Variants in ZNF891 observed in about 807,000 individuals in gnomAD.
The protein encoded by ZNF891 is zinc finger protein 891.
For synonymous variants in ZNF891, 199 were observed against 209.0 expected (o/e 0.95, Z 0.41); for missense variants, 589 against 632.7 (o/e 0.93, Z 0.74).
Position 133,106,263 on chromosome 12 carries a change from A to G in ZNF891, c.*14021T>C, listed in dbSNP as rs1330364627. 1 of 1,614,226 alleles carries G rather than the reference A, an allele frequency of 6.2e-7. No homozygotes were observed. On this transcript the variant is annotated 3_prime_UTR_variant, in exon 2 of 2. Coordinates refer to ENST00000537226, the MANE Select transcript of ZNF891 (RefSeq NM_001277291.2). The stretch of plus-strand genomic sequence containing the variant: ...AGCATCCATACAACCAAAACCCCGT[A>G]TGAATGTAATGAATGTAGGAAAGCT...
rs905049560 is a variant in ZNF891 at position 133,111,644 on chromosome 12, T to A, written c.*8640A>T. On this transcript the variant is annotated 3_prime_UTR_variant, in exon 2 of 2. Coordinates refer to ENST00000537226, the MANE Select transcript of ZNF891 (RefSeq NM_001277291.2). ...TATTTTAGAAAAATCAAAACTCCCA[T>A]GAAACTGTGCTCATAGGTAGAAAAT... 6.6e-6 allele frequency: 1 copy of A among 152,172 alleles called. No homozygotes were observed. Among genetic ancestry groups the A allele is most frequent in the Non-Finnish European group, 1.5e-5 (1 of 68,014 alleles). 9.4% of individuals were successfully genotyped at this position (152,172 alleles called of 1,614,324 possible).
Position 133,106,606 on chromosome 12 carries a change from T to C in ZNF891, c.*13678A>G, listed in dbSNP as rs1350040588. The C allele has an allele frequency of 3.7e-6, 6 of 1,606,076 alleles. No homozygotes were observed. The highest frequency in any genetic ancestry group is 1.1e-5 in the South Asian group (1 of 89,580). On this transcript the variant is annotated 3_prime_UTR_variant, in exon 2 of 2. Transcript: ENST00000537226. ...ACACTCTTGACAACCCCTATGAATA[T>C]GAAAATTCATTTAATTACCACTCAT...
At chr12:133,126,947 GAAAC>G (rs1473828913) in intron 1 of ZNF891, among the ~76,000 whole-genome samples, 3 of 142,396 alleles carry the variant, frequency 2.1e-5, no homozygotes, top group Admixed American at 7.1e-5. Flanking sequence ...ACAAGAGGAA[GAAAC>G]AAACAAGTAC....
Position 133,120,490 on chromosome 12 carries a change from TTC to T in ZNF891, c.1427_1428del (p.Arg476AsnfsTer13), listed in dbSNP as rs1213417072. ...GKVFSGVSSL[R>X]MHIRTHTGEK... ...TCTCCAGTGTGAGTTCTTATATGCA[TTC>T]TAAGGGATGAGACCCCACTGAAAAC... On this transcript the variant is annotated frameshift_variant, in exon 2 of 2. Coordinates refer to ENST00000537226, the MANE Select transcript of ZNF891 (RefSeq NM_001277291.2). LOFTEE classifies it low-confidence loss of function (END_TRUNC). 1 of 1,596,106 alleles carries T rather than the reference TTC, an allele frequency of 6.3e-7. No individual in the cohort carries two copies. The highest frequency in any genetic ancestry group is 1.7e-5 in the Admixed American group (1 of 57,302).
chr12:133,121,943 G>A lies in ZNF891; in HGVS notation c.-25C>T. On this transcript the variant is annotated 5_prime_UTR_variant, in exon 2 of 2. Coordinates refer to ENST00000537226, the MANE Select transcript of ZNF891 (RefSeq NM_001277291.2). The stretch of plus-strand genomic sequence containing the variant: ...TTTTATGAGTACATAAGCCTGCACA[G>A]TAGAGTAGAGAGATCAGGATGTTTC... 6.7e-7 allele frequency: 1 copy of A among 1,500,658 alleles called. No homozygotes were observed. Among genetic ancestry groups the A allele is most frequent in the East Asian group, 2.5e-5 (1 of 40,626 alleles). 93.0% of individuals were successfully genotyped at this position (1,500,658 alleles called of 1,614,324 possible).
Position 133,117,028 on chromosome 12 carries a change from A to G in ZNF891, c.*3256T>C, listed in dbSNP as rs928147437. On this transcript the variant is annotated 3_prime_UTR_variant, in exon 2 of 2. Coordinates refer to ENST00000537226, the MANE Select transcript of ZNF891 (RefSeq NM_001277291.2). ...CTCCCTCTCTTCCTTGCTATCTTTT[A>G]TTTAAATGACCTCTCCTCAATCACA... The G allele has an allele frequency of 7.2e-5, 11 of 152,110 alleles. No individual in the cohort carries two copies. Among genetic ancestry groups the G allele is most frequent in the African/African-American group, 2.7e-4 (11 of 41,420 alleles). The allele number at this position is 152,110 out of a possible 1,614,324, so 9.4% of individuals were successfully genotyped here.
At position 133,109,045 on chromosome 12, in the gene ZNF891, T is replaced by G. The variant is rs1334386755; in HGVS notation, c.*11239A>C. On this transcript the variant is annotated 3_prime_UTR_variant, in exon 2 of 2. Coordinates refer to ENST00000537226, the MANE Select transcript of ZNF891 (RefSeq NM_001277291.2). ...AATGATAGCTATCAGTTATTGTGGC[T>G]CAAGAAAATTCTTCTTCTGGTGTAG... is the stretch of plus-strand genomic sequence containing the variant. The G allele has an allele frequency of 1.3e-5, 2 of 151,650 alleles. No homozygotes were observed. Among genetic ancestry groups the G allele is most frequent in the Admixed American group, 1.3e-4 (2 of 15,216 alleles). The allele number at this position is 151,650 out of a possible 1,614,324, so 9.4% of individuals were successfully genotyped here. A position where few individuals can be genotyped will look rare whatever the true frequency, so the allele number is the denominator to read the frequency against.
At position 133,121,935 on chromosome 12, in the gene ZNF891, C is replaced by A; in HGVS notation, c.-17G>T. On this transcript the variant is annotated 5_prime_UTR_variant, in exon 2 of 2. Coordinates refer to ENST00000537226, the MANE Select transcript of ZNF891 (RefSeq NM_001277291.2). ...AACTGCCATTTTATGAGTACATAAG[C>A]CTGCACAGTAGAGTAGAGAGATCAG... 6.6e-7 allele frequency: 1 copy of A among 1,521,310 alleles called. No individual in the cohort carries two copies. Among genetic ancestry groups the A allele is most frequent in the Non-Finnish European group, 8.8e-7 (1 of 1,139,460 alleles). 94.2% of individuals were successfully genotyped at this position (1,521,310 alleles called of 1,614,324 possible).
At position 133,125,693 on chromosome 12, in the gene ZNF891, G is replaced by C. The variant is rs943133393; in HGVS notation, c.-106-3669C>G. 7 of 311,338 alleles carry C rather than the reference G, an allele frequency of 2.2e-5. No individual in the cohort carries two copies. In the Admixed American group the frequency reaches 2.5e-4, roughly 11 times the overall value. 19.3% of individuals were successfully genotyped at this position (311,338 alleles called of 1,614,324 possible). A position where few individuals can be genotyped will look rare whatever the true frequency, so the allele number is the denominator to read the frequency against. ...GAGCACCCTCAGGAGAAACAAGATTGACCACCATGCTATCATCAAATTCCT... is the reference window on the plus strand; with the variant it reads ...GAGCACCCTCAGGAGAAACAAGATTCACCACCATGCTATCATCAAATTCCT... On this transcript the variant is annotated intron_variant, in intron 1 of 1. Coordinates refer to ENST00000537226, the MANE Select transcript of ZNF891 (RefSeq NM_001277291.2).
intron 1 of ZNF891, among the ~76,000 whole-genome samples, chr12:133,123,942 A>G (rs1376970806): frequency 6.6e-6 from 1 of 152,208 alleles, no homozygotes; most frequent in East Asian, 1.9e-4. Context: ...ATAAATGGCG[A>G]GATTCACTAG....
At position 133,121,140 on chromosome 12, in the gene ZNF891, T is replaced by A; in HGVS notation, c.779A>T (p.Asn260Ile). ...TGTGTACTCTTTTTGTACTGTTTGA[T>A]TTCTCTGAAAATGCCATAGAGTTGT... ...CDTTLWHFQRNQTVQKEYTYS... is the reference protein window; with the variant it reads ...CDTTLWHFQRIQTVQKEYTYS... Residue 260 changes from asparagine to isoleucine, a missense_variant, in exon 2 of 2, where the codon AAT becomes ATT. Asn to Ile is a moderately radical substitution (Grantham distance 149). Coordinates refer to ENST00000537226, the MANE Select transcript of ZNF891 (RefSeq NM_001277291.2). 1 of 1,535,356 alleles carries A rather than the reference T, an allele frequency of 6.5e-7. No homozygotes were observed. The highest frequency in any genetic ancestry group is 8.7e-7 in the Non-Finnish European group (1 of 1,146,672).
Position 133,120,919 on chromosome 12 carries a change from T to A in ZNF891, c.1000A>T (p.Asn334Tyr). ...TGACTTTTCTTGTATAAAGTAAGATTAGAAATCCTTTTGAAGGCTTTTCCA... is the reference window on the plus strand; with the variant it reads ...TGACTTTTCTTGTATAAAGTAAGATAAGAAATCCTTTTGAAGGCTTTTCCA... The part of the protein sequence containing the change: ...QCGKAFKRIS[N>Y]LTLYKKSHMG... The change falls in exon 2 of 2, where the codon AAT (asparagine) becomes TAT (tyrosine). Residue 334 changes from asparagine (N) to tyrosine (Y), a missense_variant. Transcript: ENST00000537226. 6.5e-7 allele frequency: 1 copy of A among 1,536,970 alleles called. No homozygotes were observed. Among genetic ancestry groups the A allele is most frequent in the East Asian group, 2.4e-5 (1 of 40,910 alleles).
In ZNF891 at chr12:133,114,580, C is replaced by G. The variant is rs562179358; in HGVS notation, c.*5704G>C. 6.6e-6 allele frequency: 1 copy of G among 152,250 alleles called. No individual in the cohort carries two copies. Among genetic ancestry groups the G allele is most frequent in the African/African-American group, 2.4e-5 (1 of 41,464 alleles). 9.4% of individuals were successfully genotyped at this position (152,250 alleles called of 1,614,324 possible). On this transcript the variant is annotated 3_prime_UTR_variant, in exon 2 of 2. Coordinates refer to ENST00000537226, the MANE Select transcript of ZNF891 (RefSeq NM_001277291.2). ...GTAAATATTTAACTGAACACCTACA[C>G]TGGGCCAAGTAATAAAACAATGAAA... is the stretch of plus-strand genomic sequence containing the variant.
chr12:133,129,986 G>A (rs969368499), intron 1 of ZNF891, among the ~76,000 whole-genome samples: 7 of 152,134 alleles, frequency 4.6e-5, no homozygotes, highest in African/African-American at 1.7e-4. Context: ...GGCACCCGCA[G>A]CCAGCCCGGG....
Position 133,120,764 on chromosome 12 carries a change from GA to G in ZNF891, c.1154del (p.Phe385SerfsTer11). The G allele has an allele frequency of 6.4e-7, 1 of 1,569,062 alleles. No homozygotes were observed. Among genetic ancestry groups the G allele is most frequent in the Non-Finnish European group, 8.6e-7 (1 of 1,157,842 alleles). On this transcript the variant is annotated frameshift_variant, in exon 2 of 2. Coordinates refer to ENST00000537226, the MANE Select transcript of ZNF891 (RefSeq NM_001277291.2). LOFTEE classifies it low-confidence loss of function (END_TRUNC). ...PYECNQCGKAFSQKTSLKAHM... is the reference protein window; with the variant it reads ...PYECNQCGKAXSQKTSLKAHM... Reference sequence around the variant, plus strand: ...GAGCCTTAAGGGATGTTTTTTGACTGAAAGCTTTTCCACATTGATTACATTC... The same window carrying G: ...GAGCCTTAAGGGATGTTTTTTGACTGAAGCTTTTCCACATTGATTACATTC...
intron 1 of ZNF891, among the ~76,000 whole-genome samples, chr12:133,128,728 G>C (rs1157142904): frequency 6.6e-6 from 1 of 151,384 alleles, no homozygotes; most frequent in Non-Finnish European, 1.5e-5. Flanking sequence ...GGGTGGTAGA[G>C]GCTACAGTGA....
At position 133,120,825 on chromosome 12, in the gene ZNF891, C is replaced by T. The variant is rs760287162; in HGVS notation, c.1094G>A (p.Arg365Lys). Residue 365 changes from arginine to lysine, a missense_variant, in exon 2 of 2, where the codon AGA (arginine) becomes AAA (lysine). By Grantham distance (26) the Arg-to-Lys change is conservative. Transcript: ENST00000537226. Reference sequence around the variant, plus strand: ...CTCTCCAGTGTGAGTTCTTACATGTCTCCTTAAGGTTGAGGAATCATTGAA... The same window carrying T: ...CTCTCCAGTGTGAGTTCTTACATGTTTCCTTAAGGTTGAGGAATCATTGAA... The part of the protein sequence containing the change: ...KVFNDSSTLR[R>K]HVRTHTGEKP... 1.9e-6 allele frequency: 3 copies of T among 1,562,600 alleles called. No individual in the cohort carries two copies. The highest frequency in any genetic ancestry group is 4.8e-5 in the East Asian group (2 of 42,080).
At chr12:133,126,473 CAAAA>C (rs869209894) in intron 1 of ZNF891, among the ~76,000 whole-genome samples, 1,139 of 58,292 alleles carry the variant, frequency 0.02, 12 homozygotes, top group African/African-American at 0.07. Context: ...GACTCCGTCT[CAAAA>C]AAAAAAAAAA....
chr12:133,129,502 CAAAAAAA>C (rs35653414), intron 1 of ZNF891, among the ~76,000 whole-genome samples: 1 of 92,764 alleles, frequency 1.1e-5, no homozygotes, highest in African/African-American at 3.9e-5. Flanking sequence ...AACTCTGTCT[CAAAAAAA>C]AAAAAAAAAA....
Sources: gnomAD v4.1 joint callset for allele counts (sites outside exome capture counted in the v4.1 genomes callset) on GRCh38, gnomAD v4.1.1 for gene constraint, MANE v1.5 for transcripts, NCBI Gene and HGNC (gene_info 2026-07-23, HGNC 2026-07-21) for gene names.